Variants in ZNF667 observed in about 807,000 individuals in gnomAD.
ZNF667 encodes zinc finger protein 667.
ZNF667 carries 13 observed loss-of-function variants against 31.8 expected under a neutral mutation model. The observed-to-expected ratio is 0.41, with a 90% confidence interval of 0.27 to 0.65. The LOEUF (loss-of-function observed/expected upper bound fraction) is 0.65, where lower values mean the gene tolerates loss of function less well. Among genes scored for constraint, ZNF667 ranks in the 30% least tolerant of loss-of-function variants. The pLI is 0.32. For synonymous variants in ZNF667, 228 were observed against 247.1 expected, an observed-to-expected ratio of 0.92 and a Z score of 0.73; for missense variants, 642 against 725.6, an observed-to-expected ratio of 0.88 and a Z score of 1.32.
chr19:56,457,308 C>T (rs1291027178), intron 6 of ZNF667, among the ~76,000 whole-genome samples: 1 of 151,856 alleles, frequency 6.6e-6, no homozygotes, highest in Non-Finnish European at 1.5e-5. Flanking sequence ...TCTACACCTT[C>T]TCTGAAAGGA....
chr19:56,465,467 G>A (rs749704534), intron 3 of ZNF667, among the ~76,000 whole-genome samples: 3 of 152,210 alleles, frequency 2.0e-5, no homozygotes, highest in Non-Finnish European at 2.9e-5. Context: ...GTAAGAATAC[G>A]AATACTAAGA....
chr19:56,460,725 C>T lies in ZNF667; in HGVS notation c.124G>A (p.Val42Ile), dbSNP rs1231976568. The change falls in exon 5 of 7, where the codon GTC becomes ATC. Residue 42 changes from valine to isoleucine, a missense_variant. Physicochemically the swap from Val to Ile is conservative, Grantham distance 29. Coordinates refer to ENST00000504904, the MANE Select transcript of ZNF667 (RefSeq NM_001321356.2). ...AGGTTCCGGTAATTCTCCAACATGACATCTTCATACAAATCCTTCTGAATG... is the reference window on the plus strand; with the variant it reads ...AGGTTCCGGTAATTCTCCAACATGATATCTTCATACAAATCCTTCTGAATG... ...SPIQKDLYEDVMLENYRNLVS... is the reference protein window; with the variant it reads ...SPIQKDLYEDIMLENYRNLVS... The T allele has an allele frequency of 6.2e-7, 1 of 1,612,278 alleles. No homozygotes were observed. Among genetic ancestry groups the T allele is most frequent in the Admixed American group, 1.7e-5 (1 of 59,650 alleles).
intron 5 of ZNF667, among the ~76,000 whole-genome samples, chr19:56,458,752 G>T (rs1411988278): frequency 4.6e-5 from 7 of 152,158 alleles, no homozygotes; most frequent in Non-Finnish European, 1.5e-5. Context: ...GCAGTAGAGG[G>T]TGCATGCTCT....
rs924037638 is a variant in ZNF667, at chr19:56,440,784, G to T, written c.*378C>A. 5.5e-6 allele frequency: 3 copies of T among 545,846 alleles called. No individual in the cohort carries two copies. Among genetic ancestry groups the T allele is most frequent in the African/African-American group, 4.1e-5 (2 of 48,932 alleles). 33.8% of individuals were successfully genotyped at this position (545,846 alleles called of 1,614,324 possible). On this transcript the variant is annotated 3_prime_UTR_variant, in exon 7 of 7. Coordinates refer to ENST00000504904, the MANE Select transcript of ZNF667 (RefSeq NM_001321356.2). ...CTCCAGTAGCTGAGATTACAGGTGC[G>T]CACCACCACGCCCAGCTAATTTTGT...
In ZNF667 at chr19:56,441,214, C is replaced by T. The variant is rs1191763623; in HGVS notation, c.1781G>A (p.Arg594Gln). 1.2e-6 allele frequency: 2 copies of T among 1,613,848 alleles called. No individual in the cohort carries two copies. The highest frequency in any genetic ancestry group is 1.7e-6 in the Non-Finnish European group (2 of 1,179,894). ...ECSKCGKAYS[R>Q]SSSLIRHQNT... ...CTGATGTCGAATCAGGGATGAACTCCGACTATATGCCTTCCCACATTTACT... is the reference window on the plus strand; with the variant it reads ...CTGATGTCGAATCAGGGATGAACTCTGACTATATGCCTTCCCACATTTACT... The change falls in exon 7 of 7, where the codon CGG becomes CAG. Residue 594 changes from arginine to glutamine, a missense_variant. By Grantham distance (43) the Arg-to-Gln change is conservative. Coordinates refer to ENST00000504904, the MANE Select transcript of ZNF667 (RefSeq NM_001321356.2). This position sits in a 1 kb window ranked among gnomAD's most constrained non-coding sequence, Gnocchi z 4.2.
intron 3 of ZNF667, among the ~76,000 whole-genome samples, chr19:56,462,903 G>A (rs1365714879): frequency 2.6e-5 from 4 of 152,208 alleles, no homozygotes; most frequent in Non-Finnish European, 5.9e-5. Flanking sequence ...AATGGTCAGG[G>A]AAGGTGTCTC....
At chr19:56,463,280 G>A (rs942699193) in intron 3 of ZNF667, among the ~76,000 whole-genome samples, 5 of 152,124 alleles carry the variant, frequency 3.3e-5, no homozygotes, top group African/African-American at 1.2e-4. Flanking sequence ...CAGGAGTGAG[G>A]ACAGGACTCA....
chr19:56,441,452 C>T lies in ZNF667; in HGVS notation c.1543G>A (p.Ala515Thr), dbSNP rs201561717. The T allele has an allele frequency of 1.3e-4, 211 of 1,614,120 alleles. No homozygotes were observed. In the East Asian group the frequency reaches 3.4e-3, roughly 26 times the overall value. The part of the protein sequence containing the change: ...GKAFSQSAHL[A>T]QHERIHTGEK... ...CCAGTGTGAATTCTTTCATGTTGGG[C>T]GAGGTGTGCACTCTGGCTGAAGGCC... Residue 515 changes from alanine to threonine, a missense_variant, in exon 7 of 7, where the codon GCC (alanine) becomes ACC (threonine). Ala to Thr is a moderately conservative substitution (Grantham distance 58, BLOSUM62 0). Coordinates refer to ENST00000504904, the MANE Select transcript of ZNF667 (RefSeq NM_001321356.2). The surrounding 1 kb of genome is among the most constrained non-coding windows in gnomAD (Gnocchi z 4.2).
Position 56,448,870 on chromosome 19 carries a change from T to C in ZNF667, c.254-6129A>G, listed in dbSNP as rs77232085. ...CCTTGGGCAAGAATGAGTACTACGC[T>C]GGCTTCGGGTCAGACCCAGCACAGT... On this transcript the variant is annotated intron_variant, in intron 6 of 6. Transcript: ENST00000504904. 8.5e-5 allele frequency among the ~76,000 whole-genome samples: 13 copies of C among 152,290 alleles called. No homozygotes were observed. In the East Asian group the frequency reaches 2.5e-3, roughly 29 times the overall value.
intron 6 of ZNF667, among the ~76,000 whole-genome samples, chr19:56,443,645 G>A (rs894416437): frequency 1.3e-5 from 2 of 152,140 alleles, no homozygotes; most frequent in Non-Finnish European, 2.9e-5. Flanking sequence ...GGCCATATAT[G>A]TAGTCTGTTG....
At chr19:56,467,261 C>T (rs1293473580) in intron 3 of ZNF667, among the ~76,000 whole-genome samples, 1 of 152,056 alleles carries the variant, frequency 6.6e-6, no homozygotes, top group Non-Finnish European at 1.5e-5. Context: ...TGGCCACCCC[C>T]CCAAAGATAT....
At position 56,442,304 on chromosome 19, in the gene ZNF667, C is replaced by T. The variant is rs755649954; in HGVS notation, c.691G>A (p.Gly231Arg). 1.9e-6 allele frequency: 3 copies of T among 1,613,886 alleles called. No homozygotes were observed. The highest frequency in any genetic ancestry group is 2.5e-6 in the Non-Finnish European group (3 of 1,179,970). Reference sequence around the variant, plus strand: ...GACTGACATTGACTCAAGGCCTTCCCACAGTCAAGAATTTCCTTTCCATCA... The same window carrying T: ...GACTGACATTGACTCAAGGCCTTCCTACAGTCAAGAATTTCCTTTCCATCA... ...IHDGKEILDC[G>R]KALSQCQSFN... The change falls in exon 7 of 7, where the codon GGG becomes AGG. Residue 231 changes from glycine to arginine, a missense_variant. Coordinates refer to ENST00000504904, the MANE Select transcript of ZNF667 (RefSeq NM_001321356.2).
At chr19:56,465,923 A>C (rs1600449145) in intron 3 of ZNF667, among the ~76,000 whole-genome samples, 1 of 152,324 alleles carries the variant, frequency 6.6e-6, no homozygotes, top group Non-Finnish European at 1.5e-5. Flanking sequence ...TGCAGGGAGC[A>C]TACAATTTAC....
intron 1 of ZNF667, chr19:56,475,621 C>G (rs1029823344): frequency 6.6e-6 from 1 of 152,120 alleles, no homozygotes; most frequent in Non-Finnish European, 1.5e-5. Flanking sequence ...AATAGCAGCC[C>G]CTCCCACCTC....
At position 56,471,708 on chromosome 19, in the gene ZNF667, A is replaced by G. The variant is rs978050634; in HGVS notation, c.-69T>C. 1.1e-4 allele frequency: 17 copies of G among 152,242 alleles called. No homozygotes were observed. The highest frequency in any genetic ancestry group is 3.9e-4 in the Admixed American group (6 of 15,286). 9.4% of individuals were successfully genotyped at this position (152,242 alleles called of 1,614,324 possible). A position where few individuals can be genotyped will look rare whatever the true frequency, so the allele number is the denominator to read the frequency against. On this transcript the variant is annotated 5_prime_UTR_variant, in exon 3 of 7. Coordinates refer to ENST00000504904, the MANE Select transcript of ZNF667 (RefSeq NM_001321356.2). ...GTTTTAAATGATTTACCAGATAAGCAGATCAGTTGGCTTTCCCCTTCCAAT... is the reference window on the plus strand; with the variant it reads ...GTTTTAAATGATTTACCAGATAAGCGGATCAGTTGGCTTTCCCCTTCCAAT...
intron 3 of ZNF667, among the ~76,000 whole-genome samples, chr19:56,464,637 T>C (rs2043120984): frequency 6.6e-6 from 1 of 152,232 alleles, no homozygotes; most frequent in South Asian, 2.1e-4. Flanking sequence ...GCTCTCTTAT[T>C]GTATTGCCCC....
At chr19:56,459,973 A>G (rs2043010963) in intron 5 of ZNF667, among the ~76,000 whole-genome samples, 1 of 152,120 alleles carries the variant, frequency 6.6e-6, no homozygotes, top group African/African-American at 2.4e-5. Context: ...GCCTGGCGAA[A>G]GAGCAAGACT....
rs116307059 is a variant in ZNF667 at position 56,470,060 on chromosome 19, G to C, written c.-60+1639C>G. On this transcript the variant is annotated intron_variant, in intron 3 of 6. Transcript: ENST00000504904. Reference sequence around the variant, plus strand: ...TGCATTGACCAATGTTCTCATGTGTGCAGCTGTGTGACCTTGGGCAAGTTA... The same window carrying C: ...TGCATTGACCAATGTTCTCATGTGTCCAGCTGTGTGACCTTGGGCAAGTTA... 667 of 456,798 alleles carry C rather than the reference G, an allele frequency of 1.5e-3. 7 individuals carry two copies. The highest frequency in any genetic ancestry group is 0.013 in the African/African-American group (629 of 50,172). The allele number at this position is 456,798 out of a possible 1,614,324, so 28.3% of individuals were successfully genotyped here.
In ZNF667 at chr19:56,467,034, C is replaced by G. The variant is rs75384450; in HGVS notation, c.-59-4605G>C. 4.6e-3 allele frequency: 2,096 copies of G among 456,630 alleles called. 51 individuals carry two copies. The highest frequency in any genetic ancestry group is 0.038 in the African/African-American group (1,882 of 50,174). 28.3% of individuals were successfully genotyped at this position (456,630 alleles called of 1,614,324 possible). A position where few individuals can be genotyped will look rare whatever the true frequency, so the allele number is the denominator to read the frequency against. On this transcript the variant is annotated intron_variant, in intron 3 of 6. Coordinates refer to ENST00000504904, the MANE Select transcript of ZNF667 (RefSeq NM_001321356.2). ...AGATCCAAGAACCCTCTCTTATGGT[C>G]TGGATTGGGACCCTCTTTTCCAGCA...
Sources: gnomAD v4.1 joint callset for allele counts (sites outside exome capture counted in the v4.1 genomes callset) on GRCh38, gnomAD v4.1.1 for gene constraint, Gnocchi (gnomAD v3.1) non-coding constraint, MANE v1.5 for transcripts, NCBI Gene and HGNC (gene_info 2026-07-23, HGNC 2026-07-21) for gene names.